The following DIDO1 variants were observed in gnomAD, a reference collection of about 807,000 sequenced individuals.
DIDO1 encodes death inducer-obliterator 1.
In DIDO1, 16 loss-of-function variants were observed where a neutral mutation model predicts 99.4. The ratio of observed to expected loss-of-function variants is 0.16; its 90% CI spans 0.11 to 0.24. DIDO1 has a LOEUF of 0.24. Ranked by LOEUF, DIDO1 falls within the 10% of genes least tolerant of loss-of-function variation. DIDO1 has a pLI of 1.00. For synonymous variants in DIDO1, 1,366 were observed against 1,239.1 expected (o/e 1.10, Z -2.15); for missense variants, 2,996 against 3,014.0 (o/e 0.99, Z 0.14).
At chr20:62,903,200 G>A (rs541271490) in intron 6 of DIDO1, among the ~76,000 whole-genome samples, 3 of 152,360 alleles carry the variant, frequency 2.0e-5, no homozygotes, top group African/African-American at 7.2e-5. Flanking sequence ...AGGTGAGGCT[G>A]TGAAGGACCT....
intron 6 of DIDO1, among the ~76,000 whole-genome samples, chr20:62,902,779 T>C (rs2064712718): frequency 6.6e-6 from 1 of 152,210 alleles, no homozygotes; most frequent in South Asian, 2.1e-4. Context: ...GTTTACAAAC[T>C]GGCAACGTTT....
chr20:62,879,528 G>C lies in DIDO1; in HGVS notation c.6428C>G (p.Ser2143Cys), dbSNP rs2064159725. The C allele has an allele frequency of 6.3e-7, 1 of 1,599,574 alleles. No homozygotes were observed. The highest frequency in any genetic ancestry group is 8.5e-7 in the Non-Finnish European group (1 of 1,179,108). ...CCGGTTTCTGTCCCAGTCCCGGCTG[G>C]AGTCCTTGTCCCGGTGTCGGTCCCA... ...REWDRHRDKD[S>C]SRDWDRNRER... The change falls in exon 16 of 16, where the codon TCC (serine) becomes TGC (cysteine). Residue 2143 changes from serine to cysteine, a missense_variant. Ser to Cys is a moderately radical substitution (Grantham distance 112). Transcript: ENST00000395343. The surrounding 1 kb of genome is among the most constrained non-coding windows in gnomAD (Gnocchi z 6.3).
intron 15 of DIDO1, chr20:62,888,424 C>T (rs2064332985): frequency 1.0e-5 from 10 of 985,516 alleles, no homozygotes; most frequent in Non-Finnish European, 1.2e-5. Context: ...GCTGCATGTG[C>T]CGCAGAGAAC....
rs760101616 is a variant in DIDO1 at position 62,894,191 on chromosome 20, T to C, written c.2576A>G (p.Gln859Arg). 3 of 1,611,010 alleles carry C rather than the reference T, an allele frequency of 1.9e-6. No homozygotes were observed. The highest frequency in any genetic ancestry group is 2.2e-5 in the South Asian group (2 of 91,040). ...TGGCTCATCTTCTGCGGAGGGAACCTGGCCTGAAGAAGGCGAGGAAAGGCT... is the reference window on the plus strand; with the variant it reads ...TGGCTCATCTTCTGCGGAGGGAACCCGGCCTGAAGAAGGCGAGGAAAGGCT... ...FDLNCKICTG[Q>R]VPSAEDEPAP... The change falls in exon 12 of 16, where the codon CAG (glutamine) becomes CGG (arginine). Residue 859 changes from glutamine (Q) to arginine (R), a missense_variant. Physicochemically the swap from Gln to Arg is conservative, Grantham distance 43. Transcript: ENST00000395343. The surrounding 1 kb of genome is among the most constrained non-coding windows in gnomAD (Gnocchi z 4.4).
chr20:62,923,465 T>C (rs1370873361), intron 1 of DIDO1, among the ~76,000 whole-genome samples: 1 of 152,132 alleles, frequency 6.6e-6, no homozygotes, highest in African/African-American at 2.4e-5. Flanking sequence ...CGACCCACCA[T>C]GCCCGGCCGG....
chr20:62,920,419 T>A (rs2065115735), intron 1 of DIDO1, among the ~76,000 whole-genome samples: 1 of 152,152 alleles, frequency 6.6e-6, no homozygotes, highest in African/African-American at 2.4e-5. Flanking sequence ...CAAGGGGCTG[T>A]GTAGGGCACT....
chr20:62,881,775 T>G lies in DIDO1; in HGVS notation c.4181A>C (p.Glu1394Ala), dbSNP rs758739203. ...PYDPEEEYDPERAFDTQLVER... is the reference protein window; with the variant it reads ...PYDPEEEYDPARAFDTQLVER... ...CACAAGCTGAGTGTCGAAGGCCCTC[T>G]CCGGGTCGTACTCCTCCTCAGGGTC... is the stretch of plus-strand genomic sequence containing the variant. Residue 1394 changes from glutamate (E) to alanine (A), a missense_variant, in exon 16 of 16, where the codon GAG (glutamate) becomes GCG (alanine). Physicochemically the swap from Glu to Ala is moderately radical, Grantham distance 107 (BLOSUM62 -1). Coordinates refer to ENST00000395343, the MANE Select transcript of DIDO1 (RefSeq NM_001193369.2). This position sits in a 1 kb window ranked among gnomAD's most constrained non-coding sequence, Gnocchi z 8.3. The G allele has an allele frequency of 6.2e-7, 1 of 1,613,314 alleles. No homozygotes were observed. The highest frequency in any genetic ancestry group is 2.2e-5 in the East Asian group (1 of 44,872).
chr20:62,893,546 A>T, intron 12 of DIDO1, 120 bp downstream of exon 12: 1 of 1,211,022 alleles, frequency 8.3e-7, no homozygotes, highest in Non-Finnish European at 1.1e-6. Flanking sequence ...AAAAGATGAA[A>T]GAGTGAAGCT....
chr20:62,926,239 T>C (rs1306695786), intron 1 of DIDO1, among the ~76,000 whole-genome samples, 200 bp downstream of exon 1: 1 of 136,678 alleles, frequency 7.3e-6, no homozygotes, highest in East Asian at 2.2e-4. Flanking sequence ...GCGGCGGCTC[T>C]GACCGGCCCC....
chr20:62,912,764 G>A (rs1329177531), intron 2 of DIDO1, among the ~76,000 whole-genome samples: 1 of 152,216 alleles, frequency 6.6e-6, no homozygotes, highest in Non-Finnish European at 1.5e-5. Flanking sequence ...GGGCCTGGTG[G>A]CTCAAGCCCA....
At position 62,895,958 on chromosome 20, in the gene DIDO1, C is replaced by T. The variant is rs532477433; in HGVS notation, c.2214+275G>A. Among the ~76,000 whole-genome samples the T allele has an allele frequency of 2.2e-4, 33 of 152,320 alleles. 1 individual carries two copies. The South Asian group carries it at 5.6e-3, about 26-fold the overall frequency. On this transcript the variant is annotated intron_variant, in intron 8 of 15. Transcript: ENST00000395343. ...GTGAAGCGACTGGCTTGTACCTTTA[C>T]AGCAATGTTTACAGGAGACTAATGT... is the stretch of plus-strand genomic sequence containing the variant.
At chr20:62,931,723 C>T (rs941484430) in intron 1 of DIDO1, among the ~76,000 whole-genome samples, 4 of 152,224 alleles carry the variant, frequency 2.6e-5, no homozygotes, top group African/African-American at 9.6e-5. Context: ...CAATGGGCCC[C>T]GGCCCCATTC....
At position 62,881,770 on chromosome 20, in the gene DIDO1, C is replaced by T; in HGVS notation, c.4186G>A (p.Ala1396Thr). Residue 1396 changes from alanine to threonine, a missense_variant, in exon 16 of 16, where the codon GCC (alanine) becomes ACC (threonine). Ala to Thr is a moderately conservative substitution (Grantham distance 58). Around this residue, in one of 5 missense-constraint regions of DIDO1, gnomAD observed 1,562 missense variants for 1,412.6 expected, o/e 1.11. Transcript: ENST00000395343. The surrounding 1 kb of genome is among the most constrained non-coding windows in gnomAD (Gnocchi z 8.3). ...CGCTCCACAAGCTGAGTGTCGAAGG[C>T]CCTCTCCGGGTCGTACTCCTCCTCA... The part of the protein sequence containing the change: ...DPEEEYDPER[A>T]FDTQLVERGR... 6.2e-7 allele frequency: 1 copy of T among 1,613,330 alleles called. No individual in the cohort carries two copies. The highest frequency in any genetic ancestry group is 2.2e-5 in the East Asian group (1 of 44,876).
chr20:62,923,796 A>G (rs778879110), intron 1 of DIDO1, among the ~76,000 whole-genome samples: 18 of 152,244 alleles, frequency 1.2e-4, no homozygotes, highest in East Asian at 3.8e-4. Context: ...TTAAATGTCT[A>G]TATCAGCATA....
chr20:62,890,563 C>T, intron 15 of DIDO1: 17 of 1,021,022 alleles, frequency 1.7e-5, no homozygotes, highest in Non-Finnish European at 2.0e-5. Flanking sequence ...AGAAGTGATC[C>T]CTGATGGAGC....
rs74430850 is a variant in DIDO1, at chr20:62,889,803, T to C, written c.3541+1157A>G. On this transcript the variant is annotated intron_variant, in intron 15 of 15. Coordinates refer to ENST00000395343, the MANE Select transcript of DIDO1 (RefSeq NM_001193369.2). The stretch of plus-strand genomic sequence containing the variant: ...CTAAAGCACTTTGCTTTTAAAAATT[T>C]ATCTGGCACTAAAATAATTTAATGC... 2.5e-3 allele frequency: 2,426 copies of C among 985,442 alleles called. 38 individuals are homozygous for C. In the African/African-American group the frequency reaches 0.039, roughly 16 times the overall value. The allele number at this position is 985,442 out of a possible 1,614,324, so 61.0% of individuals were successfully genotyped here.
At chr20:62,884,403 G>C (rs937460512) in intron 15 of DIDO1, among the ~76,000 whole-genome samples, 1 of 152,156 alleles carries the variant, frequency 6.6e-6, no homozygotes, top group Admixed American at 6.5e-5. Context: ...CGGCAGCGAC[G>C]TAACACTATG....
chr20:62,883,941 G>A (rs2064253985), intron 15 of DIDO1, among the ~76,000 whole-genome samples: 1 of 152,234 alleles, frequency 6.6e-6, no homozygotes, highest in African/African-American at 2.4e-5. Context: ...GGGAGGCAGA[G>A]GTTGCAGTGA....
At chr20:62,884,558 C>G (rs1245220166) in intron 15 of DIDO1, among the ~76,000 whole-genome samples, 1 of 152,210 alleles carries the variant, frequency 6.6e-6, no homozygotes, top group South Asian at 2.1e-4. Flanking sequence ...AAGATCATCA[C>G]GGACTGCTTC....
Sources: gnomAD v4.1 joint callset for allele counts (sites outside exome capture counted in the v4.1 genomes callset) on GRCh38, gnomAD v4.1.1 for gene constraint, gnomAD v4.1.1 regional missense constraint, Gnocchi (gnomAD v3.1) non-coding constraint, MANE v1.5 for transcripts, NCBI Gene and HGNC (gene_info 2026-07-23, HGNC 2026-07-21) for gene names.